MAML3: variants seen among roughly 807,000 people sequenced by gnomAD.
MAML3 encodes mastermind-like protein 3.
Under a neutral mutation model 101.9 loss-of-function variants are expected in MAML3, and 27 were observed. That is an observed-to-expected ratio of 0.27 (90% confidence interval 0.20 to 0.37). MAML3 has a LOEUF of 0.37. Among genes scored for constraint, MAML3 ranks in the 10% least tolerant of loss-of-function variants. The pLI, the probability that MAML3 is intolerant of heterozygous loss-of-function variation, is 1.00. For missense variants in MAML3, 1,316 were observed against 1,444.9 expected (o/e 0.91, Z 1.45); for synonymous variants, 501 against 555.9 (o/e 0.90, Z 1.39).
At chr4:139,772,914 C>T (rs1410262689) in intron 2 of MAML3, among the ~76,000 whole-genome samples, 54 of 126,402 alleles carry the variant, frequency 4.3e-4, no homozygotes, top group Admixed American at 3.3e-3. Flanking sequence ...CCCATCTCTA[C>T]TTAAAAAAAA....
chr4:139,885,007 T>C lies in MAML3; in HGVS notation c.2079+4350A>G, dbSNP rs139653024. On this transcript the variant is annotated intron_variant, in intron 2 of 4. Coordinates refer to ENST00000509479, the MANE Select transcript of MAML3 (RefSeq NM_018717.5). Reference sequence around the variant, plus strand: ...CCAGATGTGACCATAGTAAGTTCTATTTCATAACAAAAACACATATTTTAA... The same window carrying C: ...CCAGATGTGACCATAGTAAGTTCTACTTCATAACAAAAACACATATTTTAA... 5.1e-3 allele frequency among the ~76,000 whole-genome samples: 783 copies of C among 152,358 alleles called. 5 individuals carry two copies. Among genetic ancestry groups the C allele is most frequent in the African/African-American group, 0.018 (729 of 41,584 alleles).
At position 140,121,531 on chromosome 4, in the gene MAML3, C is replaced by T. The variant is rs532961673; in HGVS notation, c.468+31329G>A. On this transcript the variant is annotated intron_variant, in intron 1 of 4. Transcript: ENST00000509479. The stretch of plus-strand genomic sequence containing the variant: ...GTGTAGACTCAAAGTAGAGAGAAAG[C>T]CTTCATTGTTATATACTAGCCACTG... 1.1e-4 allele frequency among the ~76,000 whole-genome samples: 17 copies of T among 152,246 alleles called. No homozygotes were observed. In the South Asian group the frequency reaches 3.3e-3, roughly 30 times the overall value.
chr4:139,864,361 G>T (rs12512994), intron 2 of MAML3, among the ~76,000 whole-genome samples: 40,665 of 151,944 alleles, frequency 0.27, 6,856 homozygotes, highest in East Asian at 0.68. Flanking sequence ...TGACTTACTT[G>T]TTGGCTTCAC....
At chr4:140,064,249 G>C (rs1727494505) in intron 1 of MAML3, among the ~76,000 whole-genome samples, 1 of 151,892 alleles carries the variant, frequency 6.6e-6, no homozygotes, top group South Asian at 2.1e-4. Flanking sequence ...AGGTATTTCA[G>C]GAAAAAAAAT....
chr4:139,873,765 C>A (rs1400671598), intron 2 of MAML3, among the ~76,000 whole-genome samples: 1 of 152,220 alleles, frequency 6.6e-6, no homozygotes, highest in Non-Finnish European at 1.5e-5. Flanking sequence ...CCCAGTCAAG[C>A]CTTCAGATGA....
chr4:140,004,846 T>C (rs930265680), intron 1 of MAML3, among the ~76,000 whole-genome samples: 1 of 145,866 alleles, frequency 6.9e-6, no homozygotes, highest in Non-Finnish European at 1.5e-5. Flanking sequence ...TTTCCTTAGG[T>C]TTTTTTTTTA....
At chr4:139,788,795 C>T (rs902898704) in intron 2 of MAML3, among the ~76,000 whole-genome samples, 1 of 152,208 alleles carries the variant, frequency 6.6e-6, no homozygotes. Flanking sequence ...TATGTGATGG[C>T]TGGAGCTCTA....
intron 1 of MAML3, among the ~76,000 whole-genome samples, chr4:140,141,320 G>A (rs905211223): frequency 2.0e-5 from 3 of 152,178 alleles, no homozygotes; most frequent in African/African-American, 7.2e-5. Context: ...GTCGAAGCAA[G>A]TCCATTTTGA....
chr4:139,739,679 G>GTTTCTTTTTTTTTTTTTTTT lies in MAML3; in HGVS notation c.2080-9013_2080-9012insAAAAAAAAAAAAAAAAGAAA. 1.5e-5 allele frequency among the ~76,000 whole-genome samples: 2 copies of GTTTCTTTTTTTTTTTTTTTT among 132,358 alleles called. 1 individual carries two copies. The highest frequency in any genetic ancestry group is 4.7e-4 in the South Asian group (2 of 4,278). 86.8% of individuals were successfully genotyped at this position (132,358 alleles called of 152,430 possible). On this transcript the variant is annotated intron_variant, in intron 2 of 4. Coordinates refer to ENST00000509479, the MANE Select transcript of MAML3 (RefSeq NM_018717.5). ...TTAAGAAAGGCAGGGGAGGAAAGCA[G>GTTTCTTTTTTTTTTTTTTTT]TTTTTTTTTTTTTTTCTTTTATGTC... is the stretch of plus-strand genomic sequence containing the variant.
At chr4:139,762,405 A>G (rs1214908868) in intron 2 of MAML3, among the ~76,000 whole-genome samples, 1 of 152,070 alleles carries the variant, frequency 6.6e-6, no homozygotes, top group Non-Finnish European at 1.5e-5. Flanking sequence ...ATTATCATTC[A>G]TTTGCATTTC....
chr4:140,051,860 A>G (rs774438535), intron 1 of MAML3, among the ~76,000 whole-genome samples: 2 of 152,112 alleles, frequency 1.3e-5, no homozygotes, highest in Non-Finnish European at 2.9e-5. Flanking sequence ...AGGCGCCGGG[A>G]TAAGAACCAG....
At chr4:139,812,001 A>AAT (rs1730805900) in intron 2 of MAML3, among the ~76,000 whole-genome samples, 1 of 152,190 alleles carries the variant, frequency 6.6e-6, no homozygotes, top group Non-Finnish European at 1.5e-5. Flanking sequence ...GGTGGCTCAC[A>AAT]CCTATAATCC....
chr4:140,023,730 C>G (rs996418132), intron 1 of MAML3, among the ~76,000 whole-genome samples: 1 of 152,128 alleles, frequency 6.6e-6, no homozygotes, highest in African/African-American at 2.4e-5. Context: ...ACAACTGATT[C>G]TTTAGGTCTA....
intron 1 of MAML3, among the ~76,000 whole-genome samples, chr4:140,043,315 T>C (rs774017525): frequency 5.9e-5 from 9 of 152,192 alleles, no homozygotes; most frequent in Admixed American, 1.3e-4. Flanking sequence ...CCAAACACAA[T>C]TCTTTTCCTC....
intron 1 of MAML3, among the ~76,000 whole-genome samples, chr4:140,139,398 A>G (rs1452159736): frequency 6.6e-6 from 1 of 152,096 alleles, no homozygotes; most frequent in Non-Finnish European, 1.5e-5. Context: ...GTTATATTAA[A>G]AACAAAAATC....
chr4:139,794,641 A>G (rs1730480729), intron 2 of MAML3, among the ~76,000 whole-genome samples: 1 of 152,206 alleles, frequency 6.6e-6, no homozygotes, highest in African/African-American at 2.4e-5. Context: ...TGGTCTGAAG[A>G]GCTCTTGTCC....
intron 1 of MAML3, among the ~76,000 whole-genome samples, chr4:139,974,281 A>G (rs1401366553): frequency 6.6e-6 from 1 of 151,716 alleles, no homozygotes; most frequent in African/African-American, 2.4e-5. Context: ...AATTTTTTGT[A>G]TTTTTAGCAG....
chr4:139,842,801 C>T (rs1470734007), intron 2 of MAML3, among the ~76,000 whole-genome samples: 5 of 66,236 alleles, frequency 7.5e-5, no homozygotes, highest in African/African-American at 3.1e-4. Context: ...TTTTTTGAGA[C>T]AGAGTCTCAC....
rs1463510886 is a variant in MAML3, at chr4:139,890,886, T to C, written c.550A>G (p.Asn184Asp). 1 of 1,613,742 alleles carries C rather than the reference T, an allele frequency of 6.2e-7. No homozygotes were observed. The highest frequency in any genetic ancestry group is 1.1e-5 in the South Asian group (1 of 91,030). ...ATTCGTTTGCTAGTCGGAGAAAAAT[T>C]CCCATCACAAGCACCATTCTGCTGG... Reference protein sequence around the residue: ...GDQQNGACDGNFSPTSKRIRK... With the variant: ...GDQQNGACDGDFSPTSKRIRK... Residue 184 changes from asparagine (N) to aspartate (D), a missense_variant, in exon 2 of 5, where the codon AAT (asparagine) becomes GAT (aspartate). Asn to Asp is a conservative substitution (Grantham distance 23). Transcript: ENST00000509479. The surrounding 1 kb of genome is among the most constrained non-coding windows in gnomAD (Gnocchi z 4.1).
Sources: gnomAD v4.1 joint callset for allele counts (sites outside exome capture counted in the v4.1 genomes callset) on GRCh38, gnomAD v4.1.1 for gene constraint, Gnocchi (gnomAD v3.1) non-coding constraint, MANE v1.5 for transcripts, NCBI Gene and HGNC (gene_info 2026-07-23, HGNC 2026-07-21) for gene names.